Variants in COL22A1 observed in about 807,000 individuals in gnomAD.
COL22A1 encodes collagen alpha-1(XXII) chain.
A neutral mutation model predicts 248.9 loss-of-function variants in COL22A1; 221 were observed. The observed-to-expected ratio is 0.89, with a 90% CI of 0.80 to 0.99. The LOEUF (loss-of-function observed/expected upper bound fraction) is 0.99, where lower values mean the gene tolerates loss of function less well. COL22A1 is among the 50% of genes least tolerant of loss of function. The probability of loss-of-function intolerance (pLI) is 0.00; values close to 1 mark genes in which losing one functional copy is unlikely to be tolerated. For missense variants in COL22A1, 2,240 were observed against 2,179.0 expected (o/e 1.03, Z -0.56); for synonymous variants, 891 against 793.4 (o/e 1.12, Z -2.07).
In COL22A1 at chr8:138,589,133, TAAAA is replaced by T. The variant is rs994529952; in HGVS notation, c.*116_*119del. On this transcript the variant is annotated 3_prime_UTR_variant, in exon 65 of 65. Transcript: ENST00000303045. The stretch of plus-strand genomic sequence containing the variant: ...AGAAAATAAAACAAAAAGCAAACGA[TAAAA>T]GAAAGAAAAAAAAAAGGAACACATG... 5.4e-6 allele frequency: 5 copies of T among 929,798 alleles called. No individual in the cohort carries two copies. Among genetic ancestry groups the T allele is most frequent in the African/African-American group, 3.5e-5 (2 of 57,366 alleles). The allele number at this position is 929,798 out of a possible 1,614,324, so 57.6% of individuals were successfully genotyped here.
chr8:138,839,102 T>C (rs1586862297), intron 4 of COL22A1, among the ~76,000 whole-genome samples: 1 of 152,224 alleles, frequency 6.6e-6, no homozygotes, highest in East Asian at 1.9e-4. Flanking sequence ...TGATTTGATC[T>C]GTTTCTCCAT....
intron 1 of COL22A1, among the ~76,000 whole-genome samples, chr8:138,898,475 T>G (rs1814293377): frequency 6.6e-6 from 1 of 152,146 alleles, no homozygotes; most frequent in South Asian, 2.1e-4. Context: ...AATCTTGCCT[T>G]AAATGCCCAT....
At chr8:138,871,685 T>A (rs989727961) in intron 3 of COL22A1, among the ~76,000 whole-genome samples, 1 of 152,190 alleles carries the variant, frequency 6.6e-6, no homozygotes, top group Non-Finnish European at 1.5e-5. Context: ...TCAATGAATA[T>A]GCATTGAAAA....
At chr8:138,858,951 G>A (rs527393326) in intron 3 of COL22A1, among the ~76,000 whole-genome samples, 5 of 152,220 alleles carry the variant, frequency 3.3e-5, no homozygotes, top group African/African-American at 9.6e-5. Context: ...ATGGTATGAC[G>A]AAGCCCCAGG....
chr8:138,907,306 G>C (rs996361581), intron 1 of COL22A1, among the ~76,000 whole-genome samples: 1 of 152,220 alleles, frequency 6.6e-6, no homozygotes, highest in African/African-American at 2.4e-5. Flanking sequence ...AGGGAGCTCT[G>C]CTCATTACCC....
At chr8:138,639,023 C>T (rs1160389725) in intron 47 of COL22A1, among the ~76,000 whole-genome samples, 2 of 152,170 alleles carry the variant, frequency 1.3e-5, no homozygotes, top group Admixed American at 6.6e-5. Context: ...ATTTACAGAG[C>T]CCCGACTCTT....
At chr8:138,607,665 T>C (rs997818019) in intron 57 of COL22A1, among the ~76,000 whole-genome samples, 6 of 152,002 alleles carry the variant, frequency 3.9e-5, no homozygotes, top group African/African-American at 1.4e-4. Flanking sequence ...TGTTAAACAT[T>C]TTTTTAAAAA....
At chr8:138,690,491 A>G (rs1826750929) in intron 36 of COL22A1, among the ~76,000 whole-genome samples, 1 of 152,158 alleles carries the variant, frequency 6.6e-6, no homozygotes, top group Admixed American at 6.6e-5. Context: ...CAGGTCCCCC[A>G]ATAGCCGTCA....
Position 138,878,106 on chromosome 8 carries a change from A to T in COL22A1, c.302T>A (p.Val101Asp). Residue 101 changes from valine (V) to aspartate (D), a missense_variant, in exon 3 of 65, where the codon GTC becomes GAC. Val to Asp is a radical substitution (Grantham distance 152). Coordinates refer to ENST00000303045, the MANE Select transcript of COL22A1 (RefSeq NM_152888.3). ...GGCGAGACGCCGGGCAGCCGCCTTG[A>T]CCTCCTCCTGCGAGCCAAAGAGTCC... ...ELGLFGSQEEVKAAARRLAYH... is the reference protein window; with the variant it reads ...ELGLFGSQEEDKAAARRLAYH... 1 of 1,601,812 alleles carries T rather than the reference A, an allele frequency of 6.2e-7. No individual in the cohort carries two copies. The highest frequency in any genetic ancestry group is 8.5e-7 in the Non-Finnish European group (1 of 1,175,288).
At chr8:138,638,595 C>A (rs368961047) in intron 47 of COL22A1, among the ~76,000 whole-genome samples, 101 of 152,058 alleles carry the variant, frequency 6.6e-4, no homozygotes, top group African/African-American at 2.3e-3. Flanking sequence ...TAGGTGAGCT[C>A]ATATCTGTGA....
At chr8:138,794,936 G>A (rs901941805) in intron 12 of COL22A1, among the ~76,000 whole-genome samples, 5 of 152,082 alleles carry the variant, frequency 3.3e-5, no homozygotes, top group Admixed American at 2.6e-4. Flanking sequence ...CAATTAATGG[G>A]CAAAAAATCT....
chr8:138,751,609 T>C (rs757831968), intron 21 of COL22A1, 98 bp from the exon 22 acceptor site: 7 of 798,886 alleles, frequency 8.8e-6, no homozygotes, highest in Admixed American at 5.1e-5. Context: ...CCTCATTGAA[T>C]AGTGTAATAC....
At chr8:138,717,550 A>G (rs1387761902) in intron 27 of COL22A1, among the ~76,000 whole-genome samples, 1 of 152,040 alleles carries the variant, frequency 6.6e-6, no homozygotes, top group East Asian at 1.9e-4. Flanking sequence ...TGCAGCCTTG[A>G]GCTCTTGGGC....
At chr8:138,621,164 C>T (rs1819772998) in intron 52 of COL22A1, among the ~76,000 whole-genome samples, 1 of 152,222 alleles carries the variant, frequency 6.6e-6, no homozygotes, top group African/African-American at 2.4e-5. Flanking sequence ...CCCCTGGGGC[C>T]CACCCAGGGA....
chr8:138,694,967 G>T, intron 32 of COL22A1, 88 bp from the exon 33 acceptor site: 2 of 1,262,746 alleles, frequency 1.6e-6, no homozygotes, highest in South Asian at 1.4e-5. Flanking sequence ...GGACACACAG[G>T]CCACCTCCAG....
At chr8:138,906,340 A>T (rs1815012507) in intron 1 of COL22A1, among the ~76,000 whole-genome samples, 1 of 148,074 alleles carries the variant, frequency 6.8e-6, no homozygotes, top group Non-Finnish European at 1.5e-5. Flanking sequence ...ACTGCACTCC[A>T]GCCTGGGTGA....
At chr8:138,780,482 C>T (rs1455620128) in intron 13 of COL22A1, among the ~76,000 whole-genome samples, 1 of 152,106 alleles carries the variant, frequency 6.6e-6, no homozygotes, top group African/African-American at 2.4e-5. Flanking sequence ...TGTTGCAGCT[C>T]AGAGGCAGGT....
chr8:138,865,222 T>C (rs1208758562), intron 3 of COL22A1, among the ~76,000 whole-genome samples: 1 of 151,976 alleles, frequency 6.6e-6, no homozygotes, highest in Non-Finnish European at 1.5e-5. Flanking sequence ...TGTTCCAGGG[T>C]AAGGGGCAAA....
intron 55 of COL22A1, among the ~76,000 whole-genome samples, chr8:138,614,747 C>T (rs1819177922): frequency 6.6e-6 from 1 of 152,126 alleles, no homozygotes; most frequent in Non-Finnish European, 1.5e-5. Context: ...GTGGGCTCTA[C>T]TTTTAGGTGT....
Sources: allele counts gnomAD v4.1 joint callset (sites outside exome capture counted in the v4.1 genomes callset), GRCh38; gene constraint gnomAD v4.1.1; transcripts MANE v1.5; gene names NCBI Gene and HGNC (gene_info 2026-07-23, HGNC 2026-07-21).